The following VDAC1 variants were observed in gnomAD, a reference collection of about 807,000 sequenced individuals.
The protein encoded by VDAC1 is voltage dependent anion channel 1.
In VDAC1, 10 loss-of-function variants were observed where a neutral mutation model predicts 34.7. That is an observed-to-expected ratio of 0.29 (90% CI 0.18 to 0.49). VDAC1 has a LOEUF of 0.49. Ranked by LOEUF, VDAC1 falls within the 20% of genes least tolerant of loss-of-function variation. The probability of loss-of-function intolerance (pLI) is 0.99; values close to 1 mark genes in which losing one functional copy is unlikely to be tolerated. For synonymous variants in VDAC1, 130 were observed against 136.0 expected (o/e 0.96, Z 0.30); for missense variants, 230 against 347.9 (o/e 0.66, Z 2.69).
At chr5:133,982,445 G>A (rs902815957) in intron 5 of VDAC1, among the ~76,000 whole-genome samples, 1 of 151,252 alleles carries the variant, frequency 6.6e-6, no homozygotes, top group Non-Finnish European at 1.5e-5. Context: ...CCGGGAGGCA[G>A]AGGTTGCAGT....
At chr5:134,112,446 G>A in the VDAC1 span, among the ~76,000 whole-genome samples, 6 of 152,122 alleles carry the variant, frequency 3.9e-5, no homozygotes, top group Admixed American at 6.5e-5. Context: ...GGATGCCTGT[G>A]ACTCAGCCCT....
the VDAC1 span, among the ~76,000 whole-genome samples, chr5:134,033,947 G>A: frequency 2.4e-4 from 37 of 151,766 alleles, no homozygotes; most frequent in South Asian, 8.3e-4. Flanking sequence ...AGCCGAGATC[G>A]CACCACCGCA....
the VDAC1 span, among the ~76,000 whole-genome samples, chr5:134,083,855 G>A: frequency 6.6e-6 from 1 of 152,176 alleles, no homozygotes; most frequent in Non-Finnish European, 1.5e-5. Flanking sequence ...GAGTGGCCAC[G>A]GGCCTGAGCA....
At chr5:134,038,385 A>C in the VDAC1 span, among the ~76,000 whole-genome samples, 1 of 152,228 alleles carries the variant, frequency 6.6e-6, no homozygotes, top group African/African-American at 2.4e-5. Context: ...CAAAAAGCCC[A>C]GTGTGGCTGG....
chr5:134,056,207 C>T, the VDAC1 span, among the ~76,000 whole-genome samples: 2 of 140,742 alleles, frequency 1.4e-5, no homozygotes, highest in South Asian at 4.4e-4. Flanking sequence ...CACCATTGCA[C>T]TCCAGCCTAG....
chr5:133,975,017 C>G (rs1166828905), intron 7 of VDAC1, among the ~76,000 whole-genome samples: 1 of 151,934 alleles, frequency 6.6e-6, no homozygotes, highest in African/African-American at 2.4e-5. Flanking sequence ...CTTGTAATCC[C>G]AACATTTGGG....
At chr5:133,992,408 C>T in intron 2 of VDAC1, 53 bp from the exon 3 acceptor site, 1 of 1,407,512 alleles carries the variant, frequency 7.1e-7, no homozygotes. Context: ...GAGAACAGCA[C>T]CTCTGCCTCC....
the VDAC1 span, among the ~76,000 whole-genome samples, chr5:134,064,113 C>G: frequency 0.059 from 8,875 of 149,998 alleles, 451 homozygotes; most frequent in African/African-American, 0.14. Flanking sequence ...GCTGGGATTA[C>G]AGGCAAGAGC....
intron 1 of VDAC1, among the ~76,000 whole-genome samples, chr5:134,002,554 G>T (rs753208934): frequency 2.0e-5 from 3 of 152,160 alleles, no homozygotes; most frequent in Non-Finnish European, 4.4e-5. Context: ...GAATGAAGAC[G>T]ATGTGTTTAA....
intron 1 of VDAC1, among the ~76,000 whole-genome samples, chr5:133,999,735 TG>T (rs1753468576): frequency 6.6e-6 from 1 of 152,150 alleles, no homozygotes; most frequent in African/African-American, 2.4e-5. Context: ...TCCACAGCTT[TG>T]CAAATGATGT....
chr5:134,028,687 C>G, the VDAC1 span, among the ~76,000 whole-genome samples: 1 of 152,092 alleles, frequency 6.6e-6, no homozygotes, highest in Non-Finnish European at 1.5e-5. Flanking sequence ...GTGGGATGAC[C>G]GTCATTTCAC....
At chr5:134,063,170 C>A in the VDAC1 span, among the ~76,000 whole-genome samples, 2 of 152,092 alleles carry the variant, frequency 1.3e-5, no homozygotes, top group Admixed American at 1.3e-4. Flanking sequence ...GAATATATAA[C>A]CATGGTATAT....
At chr5:133,982,064 G>C (rs1752718197) in intron 5 of VDAC1, among the ~76,000 whole-genome samples, 1 of 152,206 alleles carries the variant, frequency 6.6e-6, no homozygotes, top group South Asian at 2.1e-4. Flanking sequence ...ATCTATCAAA[G>C]CTATTGAAGA....
the VDAC1 span, among the ~76,000 whole-genome samples, chr5:134,085,722 TAAAA>T: frequency 0.14 from 5,946 of 43,836 alleles, 300 homozygotes; most frequent in Admixed American, 0.18. Context: ...ACCCCATTTC[TAAAA>T]AAAAAAAAAA....
At chr5:134,060,374 T>C in the VDAC1 span, among the ~76,000 whole-genome samples, 1 of 151,882 alleles carries the variant, frequency 6.6e-6, no homozygotes, top group Non-Finnish European at 1.5e-5. Context: ...GCTCAGGAAA[T>C]ATGAATGAAT....
At chr5:134,048,475 C>G in the VDAC1 span, among the ~76,000 whole-genome samples, 5 of 151,778 alleles carry the variant, frequency 3.3e-5, no homozygotes, top group Non-Finnish European at 5.9e-5. Flanking sequence ...CCATGTTGCC[C>G]AGGCTGGTCT....
At chr5:134,063,312 C>G in the VDAC1 span, among the ~76,000 whole-genome samples, 28,455 of 152,158 alleles carry the variant, frequency 0.19, 2,983 homozygotes, top group South Asian at 0.39. Flanking sequence ...TGGACTACCA[C>G]AATGTATTTA....
the VDAC1 span, among the ~76,000 whole-genome samples, chr5:134,080,174 C>T: frequency 6.6e-6 from 1 of 152,258 alleles, no homozygotes; most frequent in Non-Finnish European, 1.5e-5. Flanking sequence ...GTCATTTGCC[C>T]TCGATAAGAA....
At chr5:134,005,860 G>A (rs1385456173), upstream of VDAC1, among the ~76,000 whole-genome samples, 3 of 152,224 alleles carry the variant, frequency 2.0e-5, no homozygotes, top group Non-Finnish European at 4.4e-5. Context: ...CAAACGTCCT[G>A]GAAGGCTTGA....
Sources: allele counts gnomAD v4.1 joint callset (sites outside exome capture counted in the v4.1 genomes callset), GRCh38; gene constraint gnomAD v4.1.1; transcripts MANE v1.5; gene names NCBI Gene and HGNC (gene_info 2026-07-23, HGNC 2026-07-21).